The following SPTBN1 variants were observed in gnomAD, a reference collection of about 807,000 sequenced individuals.
The protein encoded by SPTBN1 is spectrin beta, non-erythrocytic 1.
Under a neutral mutation model 266.4 loss-of-function variants are expected in SPTBN1, and 32 were observed. The ratio of observed to expected loss-of-function variants is 0.12; its 90% CI spans 0.09 to 0.16. SPTBN1 has a LOEUF of 0.16. Ranked by LOEUF, SPTBN1 falls within the 10% of genes least tolerant of loss-of-function variation. The probability of loss-of-function intolerance (pLI) is 1.00; values close to 1 mark genes in which losing one functional copy is unlikely to be tolerated. For synonymous variants in SPTBN1, 1,336 were observed against 1,162.2 expected (o/e 1.15, Z -3.04); for missense variants, 2,296 against 3,067.1 (o/e 0.75, Z 5.94).
rs1195249300 is a variant in SPTBN1 at position 54,617,957 on chromosome 2, T to C, written c.648-121T>C. 7 of 772,180 alleles carry C rather than the reference T, an allele frequency of 9.1e-6. No homozygotes were observed. In the African/African-American group the frequency reaches 1.2e-4, roughly 13 times the overall value. The allele number at this position is 772,180 out of a possible 1,614,324, so 47.8% of individuals were successfully genotyped here. ...TGTTTGATGATTCCATGATAGTATA[T>C]TTTAGAGTTTTACTCCACTAATTGG... On this transcript the variant is annotated intron_variant, in intron 6 of 35. Coordinates refer to ENST00000356805, the MANE Select transcript of SPTBN1 (RefSeq NM_003128.3).
At chr2:54,608,145 A>G (rs1351940191) in intron 3 of SPTBN1, among the ~76,000 whole-genome samples, 1 of 152,184 alleles carries the variant, frequency 6.6e-6, no homozygotes, top group Admixed American at 6.5e-5. Flanking sequence ...GTCTGCTGGC[A>G]TTCAGTTCAC....
chr2:54,635,173 T>C (rs1679034848), intron 17 of SPTBN1, among the ~76,000 whole-genome samples: 1 of 152,174 alleles, frequency 6.6e-6, no homozygotes, highest in Non-Finnish European at 1.5e-5. Context: ...AAGCACTCTT[T>C]AAGACTGTGG....
rs1303195578 is a variant in SPTBN1 at position 54,623,474 on chromosome 2, T to C, written c.1065-5T>C. On this transcript the variant is annotated splice_region_variant and splice_polypyrimidine_tract_variant and intron_variant, in intron 9 of 35. Transcript: ENST00000356805. ...TACCAAATGAATGTTTTCCCCTGTG[T>C]TTAGATTTACTGAGAAGGGGAACTT... 6.2e-7 allele frequency: 1 copy of C among 1,613,152 alleles called. No homozygotes were observed. The highest frequency in any genetic ancestry group is 2.2e-5 in the East Asian group (1 of 44,876).
intron 32 of SPTBN1, chr2:54,662,232 A>C: frequency 4.1e-6 from 4 of 985,362 alleles, no homozygotes; most frequent in Non-Finnish European, 4.8e-6. Flanking sequence ...ATTGCTTTTG[A>C]TGTGTGTCTC....
intron 30 of SPTBN1, 123 bp downstream of exon 30, chr2:54,658,169 T>A: frequency 8.0e-7 from 1 of 1,252,696 alleles, no homozygotes; most frequent in Non-Finnish European, 1.1e-6. Flanking sequence ...TTTCAAGTAG[T>A]GAAGATCATC....
chr2:54,642,883 G>T, intron 18 of SPTBN1, 100 bp from the exon 19 acceptor site: 1 of 1,418,528 alleles, frequency 7.0e-7, no homozygotes, highest in Non-Finnish European at 9.6e-7. Context: ...ATGGAAACGT[G>T]TGTAGTATGC....
At chr2:54,610,026 G>A (rs1677106036) in intron 3 of SPTBN1, among the ~76,000 whole-genome samples, 1 of 127,156 alleles carries the variant, frequency 7.9e-6, no homozygotes, top group Middle Eastern at 4.4e-3. Flanking sequence ...GGGCTTTTGT[G>A]AACAGGGCAC....
intron 1 of SPTBN1, among the ~76,000 whole-genome samples, chr2:54,519,029 T>G (rs1244207726): frequency 6.8e-6 from 1 of 147,994 alleles, no homozygotes; most frequent in Non-Finnish European, 1.5e-5. Flanking sequence ...AAAATGTGAC[T>G]TCCTTGAAAG....
intron 2 of SPTBN1, among the ~76,000 whole-genome samples, 177 bp from the exon 3 acceptor site, chr2:54,598,914 CA>C (rs1676286147): frequency 6.6e-6 from 1 of 152,208 alleles, no homozygotes; most frequent in African/African-American, 2.4e-5. Context: ...GTTGAACCAT[CA>C]GTAATCAGTG....
rs1202416991 is a variant in SPTBN1 at position 54,645,549 on chromosome 2, C to T, written c.4494+96C>T. 4 of 1,353,656 alleles carry T rather than the reference C, an allele frequency of 3.0e-6. No homozygotes were observed. Among genetic ancestry groups the T allele is most frequent in the Non-Finnish European group, 4.0e-6 (4 of 988,658 alleles). The allele number at this position is 1,353,656 out of a possible 1,614,324, so 83.9% of individuals were successfully genotyped here. A position where few individuals can be genotyped will look rare whatever the true frequency, so the allele number is the denominator to read the frequency against. On this transcript the variant is annotated intron_variant, in intron 21 of 35. Coordinates refer to ENST00000356805, the MANE Select transcript of SPTBN1 (RefSeq NM_003128.3). The surrounding 1 kb of genome is among the most constrained non-coding windows in gnomAD (Gnocchi z 4.3). ...ACTTCTCAGTCATCCTCACCTTGGG[C>T]CACGTTGGCAAGCTGAGCTGCCAAA...
intron 2 of SPTBN1, among the ~76,000 whole-genome samples, chr2:54,565,276 G>A (rs1042766953): frequency 2.0e-5 from 3 of 152,200 alleles, no homozygotes; most frequent in African/African-American, 7.2e-5. Flanking sequence ...AACAGGAGCA[G>A]GTATTATACC....
Position 54,656,051 on chromosome 2 carries a change from A to G in SPTBN1, c.6046+53A>G, listed in dbSNP as rs1680630903. 2.7e-6 allele frequency: 4 copies of G among 1,471,904 alleles called. No homozygotes were observed. The South Asian group carries it at 3.6e-5, about 13-fold the overall frequency. 91.2% of individuals were successfully genotyped at this position (1,471,904 alleles called of 1,614,324 possible). A position where few individuals can be genotyped will look rare whatever the true frequency, so the allele number is the denominator to read the frequency against. On this transcript the variant is annotated intron_variant, in intron 29 of 35. Coordinates refer to ENST00000356805, the MANE Select transcript of SPTBN1 (RefSeq NM_003128.3). Reference sequence around the variant, plus strand: ...TTTTGGGTATCAATGGAAAACATGCACGTTTATTTTCTTGCTTTAATTCAT... The same window carrying G: ...TTTTGGGTATCAATGGAAAACATGCGCGTTTATTTTCTTGCTTTAATTCAT...
At chr2:54,638,683 T>C (rs6760298) in intron 18 of SPTBN1, among the ~76,000 whole-genome samples, 87,283 of 152,110 alleles carry the variant, frequency 0.57, 25,187 homozygotes, top group South Asian at 0.64. Context: ...TGCCGGAGAA[T>C]AACAGACTCA....
At chr2:54,557,929 C>T in intron 2 of SPTBN1, 1 of 985,380 alleles carries the variant, frequency 1.0e-6, no homozygotes, top group South Asian at 4.7e-5. Context: ...TTGGCGCCAG[C>T]GCACTGGGGC....
chr2:54,666,695 G>T (rs1681392016), intron 34 of SPTBN1, among the ~76,000 whole-genome samples: 1 of 152,194 alleles, frequency 6.6e-6, no homozygotes, highest in African/African-American at 2.4e-5. Flanking sequence ...TTGGAAGTAG[G>T]CAGAAAAATT....
intron 2 of SPTBN1, among the ~76,000 whole-genome samples, chr2:54,583,720 T>C (rs184274317): frequency 1.3e-5 from 2 of 152,272 alleles, no homozygotes; most frequent in East Asian, 3.9e-4. Flanking sequence ...GACATGAAAA[T>C]TCAGGGTGGC....
intron 16 of SPTBN1, 48 bp from the exon 17 acceptor site, chr2:54,632,518 T>G: frequency 4.8e-5 from 76 of 1,572,074 alleles, no homozygotes; most frequent in Middle Eastern, 1.7e-4. Context: ...CACAGGAAAA[T>G]GAGATCCTTC....
At chr2:54,537,538 A>C (rs1363015939) in intron 2 of SPTBN1, among the ~76,000 whole-genome samples, 3 of 152,222 alleles carry the variant, frequency 2.0e-5, no homozygotes, top group Admixed American at 1.3e-4. Flanking sequence ...TGGCATGCCT[A>C]ATGCAGAAGA....
chr2:54,493,599 G>A (rs1188202483), intron 1 of SPTBN1, among the ~76,000 whole-genome samples: 2 of 151,964 alleles, frequency 1.3e-5, no homozygotes, highest in Non-Finnish European at 2.9e-5. Flanking sequence ...ACAAGGTTTT[G>A]ACATGTTGGC....
Sources: gnomAD v4.1 joint callset for allele counts (sites outside exome capture counted in the v4.1 genomes callset) on GRCh38, gnomAD v4.1.1 for gene constraint, Gnocchi (gnomAD v3.1) non-coding constraint, MANE v1.5 for transcripts, NCBI Gene and HGNC (gene_info 2026-07-23, HGNC 2026-07-21) for gene names.